Variants in MLIP observed in about 807,000 individuals in gnomAD.
The protein encoded by MLIP is muscular LMNA interacting protein, also known as muscular LMNA-interacting protein.
MLIP carries 79 observed loss-of-function variants against 84.8 expected under a neutral mutation model. The ratio of observed to expected loss-of-function variants is 0.93; its 90% CI spans 0.78 to 1.12. The LOEUF (loss-of-function observed/expected upper bound fraction) is 1.12, where lower values mean the gene tolerates loss of function less well. Ranked by LOEUF, MLIP falls within the 50% of genes most tolerant of loss-of-function variation. The probability of loss-of-function intolerance (pLI) is 0.00; values close to 1 mark genes in which losing one functional copy is unlikely to be tolerated. For synonymous variants in MLIP, 504 were observed against 463.0 expected (o/e 1.09, Z -1.14); for missense variants, 1,257 against 1,160.6 (o/e 1.08, Z -1.21).
intron 10 of MLIP, among the ~76,000 whole-genome samples, chr6:54,198,142 A>G (rs748238980): frequency 7.2e-5 from 11 of 152,150 alleles, no homozygotes; most frequent in Non-Finnish European, 1.3e-4. Context: ...GTGTCTTTCA[A>G]CTTTTAATGT....
At chr6:54,100,617 TA>T (rs1768572564) in intron 1 of MLIP, among the ~76,000 whole-genome samples, 2 of 152,120 alleles carry the variant, frequency 1.3e-5, no homozygotes, top group Non-Finnish European at 2.9e-5. Context: ...TACCACAAAC[TA>T]AAAAATGCTT....
At chr6:54,025,320 C>A (rs7746030) in intron 1 of MLIP, among the ~76,000 whole-genome samples, 150,990 of 152,318 alleles carry the variant, frequency 0.99, 74,851 homozygotes, top group Middle Eastern at 1. Flanking sequence ...TATTACTTTC[C>A]GTATGGCTTG....
At chr6:54,105,489 G>A (rs1768944073) in intron 1 of MLIP, among the ~76,000 whole-genome samples, 1 of 152,150 alleles carries the variant, frequency 6.6e-6, no homozygotes, top group Non-Finnish European at 1.5e-5. Context: ...AGTATTTATT[G>A]AATGCCTTTA....
intron 4 of MLIP, among the ~76,000 whole-genome samples, chr6:54,142,578 T>G (rs147321865): frequency 5.5e-4 from 83 of 152,282 alleles, no homozygotes; most frequent in Middle Eastern, 6.8e-3. Context: ...CAGAGGGAGA[T>G]GTAGCTGGGA....
At chr6:54,081,494 G>A (rs1261112831) in intron 1 of MLIP, among the ~76,000 whole-genome samples, 6 of 152,156 alleles carry the variant, frequency 3.9e-5, no homozygotes, top group African/African-American at 1.2e-4. Flanking sequence ...TGCAACCTCC[G>A]CCTCCCAGGT....
chr6:54,061,367 G>A (rs1303738218), intron 1 of MLIP, among the ~76,000 whole-genome samples: 6 of 152,108 alleles, frequency 3.9e-5, no homozygotes, highest in Non-Finnish European at 8.8e-5. Flanking sequence ...CAGCTGAGTT[G>A]TTTTGAGCTG....
Position 54,160,593 on chromosome 6 carries a change from G to T in MLIP, c.2433G>T (p.Leu811Phe). Residue 811 changes from leucine (L) to phenylalanine (F), a missense_variant, in exon 7 of 14, where the codon TTG becomes TTT. Coordinates refer to ENST00000502396, the MANE Select transcript of MLIP (RefSeq NM_001281747.2). ...ATIDKVLQDS[L>F]SMHSSDSPSR... The stretch of plus-strand genomic sequence containing the variant: ...TTGATAAGGTCTTACAGGATTCCTT[G>T]TCTATGGTAATGCTTTAGACTAGAA... The T allele has an allele frequency of 6.2e-7, 1 of 1,609,674 alleles. No individual in the cohort carries two copies. Among genetic ancestry groups the T allele is most frequent in the Non-Finnish European group, 8.5e-7 (1 of 1,176,888 alleles).
chr6:54,097,319 C>G (rs1768285802), intron 1 of MLIP, among the ~76,000 whole-genome samples: 1 of 152,068 alleles, frequency 6.6e-6, no homozygotes, highest in Admixed American at 6.5e-5. Context: ...TTCCAGACAG[C>G]AGAATGGAGG....
intron 1 of MLIP, among the ~76,000 whole-genome samples, chr6:54,084,565 C>T (rs984978284): frequency 5.9e-5 from 9 of 152,094 alleles, no homozygotes; most frequent in Admixed American, 2.0e-4. Context: ...ATACCTCAAG[C>T]AGGTGGATAT....
At chr6:54,034,226 C>T (rs1195662320) in intron 1 of MLIP, among the ~76,000 whole-genome samples, 5 of 152,126 alleles carry the variant, frequency 3.3e-5, no homozygotes, top group Non-Finnish European at 5.9e-5. Flanking sequence ...TTTCAGATTT[C>T]TATGTTAGTG....
chr6:54,228,106 C>A lies in MLIP; in HGVS notation c.2719-2608C>A, dbSNP rs562414833. 5.0e-4 allele frequency among the ~76,000 whole-genome samples: 34 copies of A among 67,474 alleles called. No individual in the cohort carries two copies. In the East Asian group the frequency reaches 0.017, roughly 34 times the overall value. 44.3% of individuals were successfully genotyped at this position (67,474 alleles called of 152,430 possible). ...GCTGAGGCAGGAGAATGGCATGAAC[C>A]CCGGAGGCGGAGCTTGCAGTGAGCC... On this transcript the variant is annotated intron_variant, in intron 11 of 13. Transcript: ENST00000502396.
At chr6:54,054,785 C>A (rs1363104756) in intron 1 of MLIP, among the ~76,000 whole-genome samples, 4 of 151,884 alleles carry the variant, frequency 2.6e-5, no homozygotes, top group Admixed American at 2.6e-4. Context: ...GTAATTGTTC[C>A]CACCCTTTCC....
At chr6:54,164,584 C>T (rs1051573996) in intron 8 of MLIP, among the ~76,000 whole-genome samples, 4 of 151,912 alleles carry the variant, frequency 2.6e-5, no homozygotes, top group African/African-American at 9.7e-5. Flanking sequence ...ACATTTCCAT[C>T]AACTGAAAAA....
At chr6:54,050,126 C>T (rs1038376150) in intron 1 of MLIP, among the ~76,000 whole-genome samples, 2 of 152,032 alleles carry the variant, frequency 1.3e-5, no homozygotes, top group African/African-American at 4.8e-5. Context: ...ACATCTGAAG[C>T]TCTAGTGTCT....
At chr6:54,033,437 T>C (rs528144964) in intron 1 of MLIP, among the ~76,000 whole-genome samples, 2 of 152,184 alleles carry the variant, frequency 1.3e-5, no homozygotes, top group African/African-American at 4.8e-5. Flanking sequence ...TGGCTAATTT[T>C]TGTATTTTTA....
intron 3 of MLIP, among the ~76,000 whole-genome samples, chr6:54,135,900 T>C (rs995342077): frequency 6.6e-6 from 1 of 152,182 alleles, no homozygotes; most frequent in African/African-American, 2.4e-5. Flanking sequence ...AATTGTTCTT[T>C]ATTTCCTCTT....
At chr6:54,124,323 T>C (rs2150443188) in intron 2 of MLIP, 150 bp from the exon 3 acceptor site, 3 of 785,064 alleles carry the variant, frequency 3.8e-6, no homozygotes, top group Middle Eastern at 3.9e-4. Context: ...AAAAATAAAC[T>C]GCTAACTTCA....
chr6:54,188,361 G>A (rs898953258), intron 9 of MLIP, among the ~76,000 whole-genome samples: 1 of 151,730 alleles, frequency 6.6e-6, no homozygotes, highest in African/African-American at 2.4e-5. Context: ...TCTTTTGTAG[G>A]AACATGTAGC....
intron 9 of MLIP, among the ~76,000 whole-genome samples, chr6:54,174,124 T>C (rs1005933652): frequency 2.6e-5 from 4 of 152,040 alleles, no homozygotes; most frequent in Non-Finnish European, 5.9e-5. Context: ...ATGTTTTCTT[T>C]ATTCATTCAT....
Sources: allele counts gnomAD v4.1 joint callset (sites outside exome capture counted in the v4.1 genomes callset), GRCh38; gene constraint gnomAD v4.1.1; transcripts MANE v1.5; gene names NCBI Gene and HGNC (gene_info 2026-07-23, HGNC 2026-07-21).